Variants in PCTP observed in about 807,000 individuals in gnomAD.
The protein encoded by PCTP is START domain-containing protein 2.
In PCTP, 27 loss-of-function variants were observed where a neutral mutation model predicts 31.0. That is an observed-to-expected ratio of 0.87 (90% CI 0.64 to 1.20). The LOEUF (loss-of-function observed/expected upper bound fraction) is 1.20, where lower values mean the gene tolerates loss of function less well. Ranked by LOEUF, PCTP falls within the 50% of genes most tolerant of loss-of-function variation. The pLI, the probability that PCTP is intolerant of heterozygous loss-of-function variation, is 0.00. For synonymous variants in PCTP, 108 were observed against 101.2 expected (o/e 1.07, Z -0.40); for missense variants, 287 against 268.2 (o/e 1.07, Z -0.49).
At chr17:55,846,887 T>TC (rs1906163326), downstream of PCTP, among the ~76,000 whole-genome samples, 1 of 152,214 alleles carries the variant, frequency 6.6e-6, no homozygotes, top group African/African-American at 2.4e-5. Flanking sequence ...GAGTCATTTT[T>TC]CCCACTCTTG....
chr17:55,772,109 G>A (rs995140630), intron 3 of PCTP, among the ~76,000 whole-genome samples: 14 of 152,246 alleles, frequency 9.2e-5, no homozygotes, highest in Non-Finnish European at 1.9e-4. Context: ...AGCTGAGAAA[G>A]TTGGGGGAGA....
intron 5 of PCTP, among the ~76,000 whole-genome samples, chr17:55,840,580 A>T (rs1052128408): frequency 5.9e-5 from 9 of 152,068 alleles, no homozygotes; most frequent in African/African-American, 2.2e-4. Flanking sequence ...AAATATTAAG[A>T]TATTTAGAGA....
chr17:55,776,706 T>C lies in PCTP; in HGVS notation c.*606T>C. 2 of 1,208,076 alleles carry C rather than the reference T, an allele frequency of 1.7e-6. No individual in the cohort carries two copies. The highest frequency in any genetic ancestry group is 2.1e-6 in the Non-Finnish European group (2 of 973,340). The allele number at this position is 1,208,076 out of a possible 1,614,324, so 74.8% of individuals were successfully genotyped here. A position where few individuals can be genotyped will look rare whatever the true frequency, so the allele number is the denominator to read the frequency against. On this transcript the variant is annotated 3_prime_UTR_variant, in exon 6 of 6. Transcript: ENST00000268896. ...CCAGTAAGTCTTTCCTCGTTCCTAC[T>C]TGTGGAGGATCAGTAGCTGTTATGA... is the stretch of plus-strand genomic sequence containing the variant.
At chr17:55,851,598 C>T in the PCTP span, among the ~76,000 whole-genome samples, 1 of 152,162 alleles carries the variant, frequency 6.6e-6, no homozygotes, top group African/African-American at 2.4e-5. Flanking sequence ...CCTTCCTTCT[C>T]AAAGAGTGAC....
chr17:55,756,904 A>C (rs1910056036), intron 1 of PCTP, among the ~76,000 whole-genome samples: 1 of 152,142 alleles, frequency 6.6e-6, no homozygotes, highest in Non-Finnish European at 1.5e-5. Context: ...TGGAGTGGAT[A>C]TGAGATTGAA....
intron 3 of PCTP, among the ~76,000 whole-genome samples, chr17:55,815,461 C>T (rs988434115): frequency 3.3e-5 from 5 of 152,162 alleles, no homozygotes; most frequent in Non-Finnish European, 2.9e-5. Flanking sequence ...CACACCTGAG[C>T]TGTTTGTGCA....
intron 2 of PCTP, among the ~76,000 whole-genome samples, chr17:55,783,867 C>T (rs1911652148): frequency 6.6e-6 from 1 of 152,174 alleles, no homozygotes; most frequent in African/African-American, 2.4e-5. Context: ...GGTGCCGAGT[C>T]CCTGGAGAGC....
At chr17:55,781,013 TA>T (rs35519775), downstream of PCTP, among the ~76,000 whole-genome samples, 14,518 of 130,780 alleles carry the variant, frequency 0.11, 674 homozygotes, top group Middle Eastern at 0.18. Context: ...CCACAGCATG[TA>T]AAAAAAAAAA....
In PCTP at chr17:55,773,756, C is replaced by G. The variant is rs919019484; in HGVS notation, c.372C>G (p.Asp124Glu). 3 of 1,613,718 alleles carry G rather than the reference C, an allele frequency of 1.9e-6. No homozygotes were observed. The African/African-American group carries it at 4.0e-5, about 22-fold the overall frequency. Residue 124 changes from aspartate to glutamate, a missense_variant, in exon 4 of 6, where the codon GAC becomes GAG. Coordinates refer to ENST00000268896, the MANE Select transcript of PCTP (RefSeq NM_021213.4). ...ACCTTCGGCAGCGGCGAGACCTGGA[C>G]ATGGAAGGGAGGAAGATCCATGTGA... is the stretch of plus-strand genomic sequence containing the variant. ...YVYLRQRRDL[D>E]MEGRKIHVIL...
chr17:55,843,618 C>G (rs1175264823), downstream of PCTP, among the ~76,000 whole-genome samples: 4 of 152,214 alleles, frequency 2.6e-5, no homozygotes, highest in Non-Finnish European at 4.4e-5. Context: ...CTTTCTCAGT[C>G]AGACTGAATA....
At chr17:55,810,141 T>A (rs1381621908) in intron 3 of PCTP, among the ~76,000 whole-genome samples, 10 of 152,158 alleles carry the variant, frequency 6.6e-5, no homozygotes, top group African/African-American at 2.2e-4. Context: ...TGCCTCAGCC[T>A]CCATAGTAGC....
At chr17:55,798,451 G>C (rs989492829) in intron 3 of PCTP, among the ~76,000 whole-genome samples, 7 of 151,848 alleles carry the variant, frequency 4.6e-5, no homozygotes, top group Non-Finnish European at 8.8e-5. Flanking sequence ...AGTAATTACT[G>C]ATGAAATGAA....
At chr17:55,770,203 A>G (rs986114794) in intron 2 of PCTP, 2 of 152,316 alleles carry the variant, frequency 1.3e-5, no homozygotes, top group Admixed American at 6.5e-5. Context: ...CGGAAGGATT[A>G]TTAGGGAAAT....
rs1398886325 is a variant in PCTP, at chr17:55,777,233, A to T, written c.*1133A>T. 1.0e-6 allele frequency: 1 copy of T among 985,340 alleles called. No individual in the cohort carries two copies. The highest frequency in any genetic ancestry group is 1.7e-5 in the African/African-American group (1 of 57,212). 61.0% of individuals were successfully genotyped at this position (985,340 alleles called of 1,614,324 possible). On this transcript the variant is annotated 3_prime_UTR_variant, in exon 6 of 6. Transcript: ENST00000268896. ...AAAATTTTAATCACTGTGTATAATGATACTGAACCTTGATTAATAACAGAA... is the reference window on the plus strand; with the variant it reads ...AAAATTTTAATCACTGTGTATAATGTTACTGAACCTTGATTAATAACAGAA...
At chr17:55,813,532 C>T (rs1912821646) in intron 3 of PCTP, among the ~76,000 whole-genome samples, 1 of 152,174 alleles carries the variant, frequency 6.6e-6, no homozygotes, top group Non-Finnish European at 1.5e-5. Context: ...CCAGGCTTGT[C>T]TCGAACTCCT....
intron 1 of PCTP, among the ~76,000 whole-genome samples, chr17:55,762,958 T>A (rs1184571262): frequency 6.6e-6 from 1 of 152,238 alleles, no homozygotes; most frequent in Non-Finnish European, 1.5e-5. Context: ...ATAATCCTTT[T>A]ACTATTTGAA....
At chr17:55,800,182 C>T (rs1912327147) in intron 3 of PCTP, among the ~76,000 whole-genome samples, 2 of 152,158 alleles carry the variant, frequency 1.3e-5, no homozygotes, top group African/African-American at 4.8e-5. Flanking sequence ...CAACTTGGTT[C>T]CATTCTCCCC....
At chr17:55,795,505 C>A (rs530887040) in intron 3 of PCTP, among the ~76,000 whole-genome samples, 11 of 151,978 alleles carry the variant, frequency 7.2e-5, no homozygotes, top group Non-Finnish European at 1.5e-4. Flanking sequence ...TCAAGGTGAG[C>A]CAAGAATTGT....
chr17:55,845,976 C>T (rs1428870731), downstream of PCTP, among the ~76,000 whole-genome samples: 1 of 151,276 alleles, frequency 6.6e-6, no homozygotes, highest in Non-Finnish European at 1.5e-5. Flanking sequence ...TTGAAATGCG[C>T]CCTGTGTATC....
Sources: gnomAD v4.1 joint callset for allele counts (sites outside exome capture counted in the v4.1 genomes callset) on GRCh38, gnomAD v4.1.1 for gene constraint, MANE v1.5 for transcripts, NCBI Gene and HGNC (gene_info 2026-07-23, HGNC 2026-07-21) for gene names.